Variants in XRN1 observed in about 807,000 individuals in gnomAD.
XRN1 encodes strand-exchange protein 1 homolog.
A neutral mutation model predicts 222.3 loss-of-function variants in XRN1; 67 were observed. That is an observed-to-expected ratio of 0.30 (90% CI 0.25 to 0.37). The LOEUF (loss-of-function observed/expected upper bound fraction) is 0.37, where lower values mean the gene tolerates loss of function less well. XRN1 is among the 10% of genes least tolerant of loss of function. The pLI is 1.00. For synonymous variants in XRN1, 643 were observed against 652.4 expected (o/e 0.99, Z 0.22); for missense variants, 1,707 against 2,000.2 (o/e 0.85, Z 2.80).
At chr3:142,357,511 C>T (rs1216292989) in intron 30 of XRN1, among the ~76,000 whole-genome samples, 2 of 151,944 alleles carry the variant, frequency 1.3e-5, no homozygotes, top group Non-Finnish European at 2.9e-5. Context: ...ACTGCAGTTT[C>T]GAACTCCTGG....
At chr3:142,402,317 G>T (rs1355592632) in intron 18 of XRN1, among the ~76,000 whole-genome samples, 1 of 151,976 alleles carries the variant, frequency 6.6e-6, no homozygotes, top group Non-Finnish European at 1.5e-5. Flanking sequence ...CGAGTAGCTG[G>T]GATTACAGGC....
chr3:142,331,973 G>A (rs564631506), intron 36 of XRN1, among the ~76,000 whole-genome samples: 83 of 152,060 alleles, frequency 5.5e-4, no homozygotes, highest in African/African-American at 1.6e-3. Flanking sequence ...CAGAGTTTCC[G>A]CCATGTTGCC....
intron 37 of XRN1, among the ~76,000 whole-genome samples, chr3:142,320,338 T>C (rs2065319640): frequency 6.6e-6 from 1 of 152,190 alleles, no homozygotes; most frequent in Non-Finnish European, 1.5e-5. Context: ...ATGTTGAACA[T>C]TTCTTTCATG....
chr3:142,424,524 G>T (rs1213144522), intron 5 of XRN1, among the ~76,000 whole-genome samples: 2 of 152,140 alleles, frequency 1.3e-5, no homozygotes, highest in East Asian at 3.8e-4. Context: ...AAACATTTAT[G>T]AGGCAATCAG....
intron 14 of XRN1, among the ~76,000 whole-genome samples, chr3:142,413,294 G>A (rs893960037): frequency 9.2e-5 from 14 of 152,206 alleles, no homozygotes; most frequent in East Asian, 3.8e-4. Flanking sequence ...CATGGGCACT[G>A]TACGATAAAA....
At chr3:142,386,648 G>C (rs2107956565) in intron 20 of XRN1, among the ~76,000 whole-genome samples, 1 of 152,138 alleles carries the variant, frequency 6.6e-6, no homozygotes, top group South Asian at 2.1e-4. Flanking sequence ...ATGAGAAAAA[G>C]ATAATCAACC....
intron 34 of XRN1, among the ~76,000 whole-genome samples, chr3:142,334,000 GTTA>G (rs1461758597): frequency 1.3e-5 from 2 of 152,132 alleles, no homozygotes; most frequent in Admixed American, 6.5e-5. Flanking sequence ...CTATGGTATT[GTTA>G]TTATAGCAGC....
At chr3:142,422,800 G>C in intron 7 of XRN1, 35 bp downstream of exon 7, 2 of 1,602,210 alleles carry the variant, frequency 1.2e-6, no homozygotes, top group Non-Finnish European at 1.7e-6. Flanking sequence ...TTTCTGCAAT[G>C]GAAATCCTTG....
At chr3:142,402,994 G>C (rs888281303) in intron 18 of XRN1, among the ~76,000 whole-genome samples, 1 of 151,988 alleles carries the variant, frequency 6.6e-6, no homozygotes, top group African/African-American at 2.4e-5. Context: ...CGCTTTCTTT[G>C]ATTTCTCTTT....
chr3:142,369,665 A>AC (rs1426184513), intron 27 of XRN1, among the ~76,000 whole-genome samples: 1 of 151,144 alleles, frequency 6.6e-6, no homozygotes, highest in Non-Finnish European at 1.5e-5. Flanking sequence ...AAAAAAAAAA[A>AC]AAAAAACAAG....
At chr3:142,423,951 G>A (rs535483423) in intron 5 of XRN1, among the ~76,000 whole-genome samples, 3 of 151,898 alleles carry the variant, frequency 2.0e-5, no homozygotes, top group African/African-American at 4.8e-5. Flanking sequence ...TCTACTTGCC[G>A]TGGGGGAACT....
chr3:142,311,941 A>G, intron 40 of XRN1, 128 bp from the exon 41 acceptor site: 1 of 942,182 alleles, frequency 1.1e-6, no homozygotes, highest in East Asian at 2.6e-5. Flanking sequence ...TCCACTTATA[A>G]TTGCCAAGTA....
Position 142,425,229 on chromosome 3 carries a change from GCA to G in XRN1, c.618_619del (p.Ala207Ter). 1 of 1,568,796 alleles carries G rather than the reference GCA, an allele frequency of 6.4e-7. No homozygotes were observed. Among genetic ancestry groups the G allele is most frequent in the Non-Finnish European group, 8.6e-7 (1 of 1,159,636 alleles). On this transcript the variant is annotated frameshift_variant, in exon 5 of 41. Transcript: ENST00000392981. LOFTEE classifies it high-confidence loss of function. ...AATAAAAATTATACCTACCAAGTCA[GCA>G]TCTAAACCATAAAGACAGTGTCTGG...
In XRN1 at chr3:142,359,916, T is replaced by C. The variant is rs926879197; in HGVS notation, c.3410A>G (p.Asp1137Gly). 1.2e-6 allele frequency: 2 copies of C among 1,604,182 alleles called. No homozygotes were observed. The highest frequency in any genetic ancestry group is 1.1e-5 in the South Asian group (1 of 89,838). The change falls in exon 30 of 41, where the codon GAT (aspartate) becomes GGT (glycine). Residue 1137 changes from aspartate to glycine, a missense_variant. This residue lies in a region of XRN1 where 1,234 missense variants were observed against 1,518.2 expected (regional missense o/e 0.81). Transcript: ENST00000392981. ...ATCAAATAATACTTCAAATAGTACATCGGCTTCTCTATTAGCTGTTACAAT... is the reference window on the plus strand; with the variant it reads ...ATCAAATAATACTTCAAATAGTACACCGGCTTCTCTATTAGCTGTTACAAT... The part of the protein sequence containing the change: ...IGIKGANREA[D>G]VLFEVLFDEE...
chr3:142,412,453 ATGG>A, intron 15 of XRN1, 88 bp downstream of exon 15: 1 of 1,381,090 alleles, frequency 7.2e-7, no homozygotes, highest in East Asian at 2.5e-5. Flanking sequence ...CAAAACATAA[ATGG>A]TGATTAAAAC....
intron 2 of XRN1, among the ~76,000 whole-genome samples, chr3:142,432,289 G>A (rs1053630416): frequency 7.6e-6 from 1 of 130,942 alleles, no homozygotes; most frequent in African/African-American, 3.4e-5. Context: ...GTCCGGTGGC[G>A]CTTGGCTGTA....
intron 20 of XRN1, among the ~76,000 whole-genome samples, chr3:142,396,272 T>C (rs1559847244): frequency 6.6e-6 from 1 of 152,214 alleles, no homozygotes; most frequent in Non-Finnish European, 1.5e-5. Flanking sequence ...AAAGGAGTCT[T>C]GACTAAAATA....
intron 33 of XRN1, among the ~76,000 whole-genome samples, chr3:142,345,382 T>C (rs962655406): frequency 2.0e-5 from 3 of 152,212 alleles, no homozygotes; most frequent in African/African-American, 7.2e-5. Context: ...CATCATACCA[T>C]GTATAAACTT....
intron 22 of XRN1, among the ~76,000 whole-genome samples, chr3:142,381,796 G>A (rs983873888): frequency 1.3e-5 from 2 of 151,812 alleles, no homozygotes; most frequent in East Asian, 3.9e-4. Context: ...CGAACTCCTG[G>A]CCTCAAGTGA....
Sources: gnomAD v4.1 joint callset for allele counts (sites outside exome capture counted in the v4.1 genomes callset) on GRCh38, gnomAD v4.1.1 for gene constraint, gnomAD v4.1.1 regional missense constraint, MANE v1.5 for transcripts, NCBI Gene and HGNC (gene_info 2026-07-23, HGNC 2026-07-21) for gene names.